The following SLC26A7 variants were observed in gnomAD, a reference collection of about 807,000 sequenced individuals.
SLC26A7 encodes anion exchange transporter.
In SLC26A7, 59 loss-of-function variants were observed where a neutral mutation model predicts 82.5. The ratio of observed to expected loss-of-function variants is 0.72; its 90% CI spans 0.58 to 0.89. The LOEUF (loss-of-function observed/expected upper bound fraction) is 0.89. Among genes scored for constraint, SLC26A7 ranks in the 40% least tolerant of loss-of-function variants. SLC26A7 has a pLI of 0.00. For missense variants in SLC26A7, 820 were observed against 793.0 expected (o/e 1.03, Z -0.41); for synonymous variants, 271 against 274.3 (o/e 0.99, Z 0.12).
chr8:91,265,356 A>C (rs553875463), intron 2 of SLC26A7, among the ~76,000 whole-genome samples: 1 of 152,214 alleles, frequency 6.6e-6, no homozygotes. Context: ...ATGGGAATGC[A>C]GATCTCTCTT....
intron 2 of SLC26A7, among the ~76,000 whole-genome samples, chr8:91,288,185 G>T (rs1811761025): frequency 6.6e-6 from 1 of 152,136 alleles, no homozygotes; most frequent in African/African-American, 2.4e-5. Context: ...AGACAGCCAG[G>T]CTTTATAGTG....
At chr8:91,239,799 G>A (rs185779248) in intron 2 of SLC26A7, among the ~76,000 whole-genome samples, 1 of 152,134 alleles carries the variant, frequency 6.6e-6, no homozygotes, top group Non-Finnish European at 1.5e-5. Flanking sequence ...GTTTGAAAGG[G>A]ACTACAAACT....
upstream of SLC26A7, among the ~76,000 whole-genome samples, chr8:91,248,130 G>A (rs550327443): frequency 4.6e-5 from 7 of 152,128 alleles, no homozygotes; most frequent in Admixed American, 3.3e-4. Flanking sequence ...CTCTCTACAG[G>A]CCCCAAACCT....
At chr8:91,304,610 G>C (rs944415024) in intron 4 of SLC26A7, among the ~76,000 whole-genome samples, 1 of 152,136 alleles carries the variant, frequency 6.6e-6, no homozygotes, top group African/African-American at 2.4e-5. Context: ...GACTTATTTA[G>C]AATCTTGTAA....
At chr8:91,243,153 G>A (rs908655483) in intron 2 of SLC26A7, among the ~76,000 whole-genome samples, 1 of 152,084 alleles carries the variant, frequency 6.6e-6, no homozygotes, top group Non-Finnish European at 1.5e-5. Flanking sequence ...GTGAAAATTG[G>A]CAAGCTGTAG....
chr8:91,215,154 T>C (rs1390545112), intron 1 of SLC26A7, among the ~76,000 whole-genome samples: 1 of 152,142 alleles, frequency 6.6e-6, no homozygotes, highest in Non-Finnish European at 1.5e-5. Context: ...CAACTTGCAA[T>C]GTCCCTTTTG....
intron 2 of SLC26A7, among the ~76,000 whole-genome samples, chr8:91,229,467 A>AC (rs1810284134): frequency 6.6e-6 from 1 of 152,160 alleles, no homozygotes; most frequent in Non-Finnish European, 1.5e-5. Context: ...TATACTCATC[A>AC]CCTAGATTCT....
intron 4 of SLC26A7, among the ~76,000 whole-genome samples, chr8:91,296,124 G>A (rs1812010022): frequency 6.6e-6 from 1 of 152,148 alleles, no homozygotes; most frequent in South Asian, 2.1e-4. Context: ...ATTTTATGAT[G>A]TTATTGCTTA....
chr8:91,336,745 G>A (rs7846470), intron 6 of SLC26A7, among the ~76,000 whole-genome samples: 22,867 of 152,046 alleles, frequency 0.15, 2,530 homozygotes, highest in African/African-American at 0.31. Context: ...AAGAAATACA[G>A]GGAGGAGGTA....
At chr8:91,370,676 G>A (rs1814332582) in intron 15 of SLC26A7, among the ~76,000 whole-genome samples, 1 of 151,870 alleles carries the variant, frequency 6.6e-6, no homozygotes, top group South Asian at 2.1e-4. Context: ...TCAGTATAGA[G>A]AAAATTAAAA....
intron 5 of SLC26A7, among the ~76,000 whole-genome samples, chr8:91,321,127 C>T (rs1230279356): frequency 1.3e-5 from 2 of 152,206 alleles, no homozygotes; most frequent in East Asian, 3.8e-4. Flanking sequence ...TGATTCTGTG[C>T]TATTCAGAGA....
chr8:91,280,684 T>A (rs926823069), intron 2 of SLC26A7, among the ~76,000 whole-genome samples: 1 of 152,216 alleles, frequency 6.6e-6, no homozygotes, highest in Non-Finnish European at 1.5e-5. Context: ...CCCTACTTTT[T>A]TTTTCTCTGC....
In SLC26A7 at chr8:91,394,443, C is replaced by T. The variant is rs966360387; in HGVS notation, c.1935+404C>T. ...ATATCTTGCCTCTAAGCTTATATTGCCATCTTTGGAAATACTATTTGTAGA... is the reference window on the plus strand; with the variant it reads ...ATATCTTGCCTCTAAGCTTATATTGTCATCTTTGGAAATACTATTTGTAGA... On this transcript the variant is annotated intron_variant, in intron 18 of 18. Coordinates refer to ENST00000276609, the MANE Select transcript of SLC26A7 (RefSeq NM_052832.4). 128 of 1,399,294 alleles carry T rather than the reference C, an allele frequency of 9.1e-5. No homozygotes were observed. The African/African-American group carries it at 1.7e-3, about 19-fold the overall frequency. The allele number at this position is 1,399,294 out of a possible 1,614,324, so 86.7% of individuals were successfully genotyped here.
chr8:91,344,243 T>C (rs1813499371), intron 9 of SLC26A7: 1 of 981,984 alleles, frequency 1.0e-6, no homozygotes, highest in African/African-American at 1.7e-5. Flanking sequence ...ATGAGAAAGT[T>C]GAGGGAAAGA....
At chr8:91,332,221 CA>C (rs887068099) in intron 5 of SLC26A7, among the ~76,000 whole-genome samples, 9 of 137,264 alleles carry the variant, frequency 6.6e-5, no homozygotes, top group Non-Finnish European at 1.1e-4. Flanking sequence ...TATATATATT[CA>C]ATATATATTT....
At position 91,362,365 on chromosome 8, in the gene SLC26A7, A is replaced by C; in HGVS notation, c.1327A>C (p.Ser443Arg). Residue 443 changes from serine (S) to arginine (R), a missense_variant, in exon 12 of 19, where the codon AGT becomes CGT. Ser to Arg is a moderately radical substitution (Grantham distance 110). Coordinates refer to ENST00000276609, the MANE Select transcript of SLC26A7 (RefSeq NM_052832.4). ...GTTTCTCTTTCAGGGAATATGGGTC[A>C]GTACATATGTATTTACAATATGCTT... is the stretch of plus-strand genomic sequence containing the variant. ...VDKIDWGIWVSTYVFTICFAA... is the reference protein window; with the variant it reads ...VDKIDWGIWVRTYVFTICFAA... 2 of 1,609,592 alleles carry C rather than the reference A, an allele frequency of 1.2e-6. No individual in the cohort carries two copies. The highest frequency in any genetic ancestry group is 1.7e-6 in the Non-Finnish European group (2 of 1,177,194).
At chr8:91,264,630 TC>T (rs1191332863) in intron 2 of SLC26A7, among the ~76,000 whole-genome samples, 1 of 151,978 alleles carries the variant, frequency 6.6e-6, no homozygotes, top group African/African-American at 2.4e-5. Flanking sequence ...TCACTTAATC[TC>T]CCAGACTAGC....
intron 2 of SLC26A7, among the ~76,000 whole-genome samples, chr8:91,237,212 C>G (rs1810405017): frequency 6.6e-6 from 1 of 152,126 alleles, no homozygotes; most frequent in South Asian, 2.1e-4. Flanking sequence ...TGATAAATGA[C>G]TTTTTTACTG....
intron 2 of SLC26A7, among the ~76,000 whole-genome samples, chr8:91,263,704 C>A (rs1381060402): frequency 6.6e-5 from 10 of 152,118 alleles, no homozygotes; most frequent in Middle Eastern, 3.4e-3. Flanking sequence ...CAACACTACC[C>A]TAATCCTTCT....
Sources: allele counts gnomAD v4.1 joint callset (sites outside exome capture counted in the v4.1 genomes callset), GRCh38; gene constraint gnomAD v4.1.1; transcripts MANE v1.5; gene names NCBI Gene and HGNC (gene_info 2026-07-23, HGNC 2026-07-21).